TNXB: variants seen among roughly 807,000 people sequenced by gnomAD.
TNXB encodes tenascin-X.
TNXB carries 183 observed loss-of-function variants against 340.5 expected under a neutral mutation model. That is an observed-to-expected ratio of 0.54 (90% CI 0.48 to 0.61). TNXB has a LOEUF of 0.61. Ranked by LOEUF, TNXB falls within the 20% of genes least tolerant of loss-of-function variation. The pLI is 0.00. For missense variants in TNXB, 4,613 were observed against 5,446.4 expected (o/e 0.85, Z 4.82); for synonymous variants, 2,121 against 2,314.5 (o/e 0.92, Z 2.40).
intron 1 of TNXB, among the ~76,000 whole-genome samples, chr6:32,102,272 A>G (rs772080271): frequency 3.9e-5 from 6 of 152,196 alleles, no homozygotes; most frequent in Non-Finnish European, 7.3e-5. Flanking sequence ...TATAACCCAG[A>G]TATCTATAAC....
Position 32,053,671 on chromosome 6 carries a change from G to C in TNXB, c.8508C>G (p.Thr2836=). ...DEAETTQAVP[T]TTPEPPNKPR... is the part of the protein sequence containing the mutation. ...GCTTGTTGGGGGGCTCAGGGGTTGT[G>C]GTGGGCACTGCTTGGGTGGTCTCTG... Residue 2836 remains threonine, a synonymous_variant, in exon 25 of 44, where the codon ACC becomes ACG. Coordinates refer to ENST00000644971, the MANE Select transcript of TNXB (RefSeq NM_001365276.2). The C allele has an allele frequency of 6.2e-7, 1 of 1,613,192 alleles. No individual in the cohort carries two copies. Among genetic ancestry groups the C allele is most frequent in the Non-Finnish European group, 8.5e-7 (1 of 1,179,770 alleles).
In TNXB at chr6:32,067,620, T is replaced by G; in HGVS notation, c.6544+41A>C. 7 of 1,592,112 alleles carry G rather than the reference T, an allele frequency of 4.4e-6. No homozygotes were observed. Among genetic ancestry groups the G allele is most frequent in the Non-Finnish European group, 6.0e-6 (7 of 1,167,490 alleles). ...GGAGGAGATGCTGGAGGCTGTACTT[T>G]GCTAAGACCCAACCCAGAGGGCTCT... On this transcript the variant is annotated intron_variant, in intron 18 of 43. Transcript: ENST00000644971. This position sits in a 1 kb window ranked among gnomAD's most constrained non-coding sequence, Gnocchi z 4.2.
Position 32,073,813 on chromosome 6 carries a change from T to C in TNXB, c.4515A>G (p.Ile1505Met), listed in dbSNP as rs1473936921. The change falls in exon 12 of 44, where the codon ATA becomes ATG. Residue 1505 changes from isoleucine to methionine, a missense_variant. Coordinates refer to ENST00000644971, the MANE Select transcript of TNXB (RefSeq NM_001365276.2). The surrounding 1 kb of genome is among the most constrained non-coding windows in gnomAD (Gnocchi z 4.6). The stretch of plus-strand genomic sequence containing the variant: ...GCCCGTCCTTGTCCTTGTACTGGAC[T>C]ATGAAGGAGTCAAACTGGCCCTCGG... ...TVPEGQFDSF[I>M]VQYKDKDGQP... 6.2e-7 allele frequency: 1 copy of C among 1,612,714 alleles called. No homozygotes were observed. The highest frequency in any genetic ancestry group is 8.5e-7 in the Non-Finnish European group (1 of 1,179,520).
chr6:32,042,699 C>T lies in TNXB; in HGVS notation c.12058G>A (p.Gly4020Ser). ...GCCCCGGGCCCGTGCGTCCAGGTAC[C>T]CGTGGTGAAAGAGGTGGACACGGGC... Reference protein sequence around the residue: ...LPPVSTSFTTGGLRIPFPRDC... With the variant: ...LPPVSTSFTTSGLRIPFPRDC... Residue 4020 changes from glycine (G) to serine (S), a missense_variant and splice_region_variant, in exon 39 of 44, where the codon GGT becomes AGT. Gly to Ser is a moderately conservative substitution (Grantham distance 56, BLOSUM62 0). This residue lies in a region of TNXB where 121 missense variants were observed against 177.4 expected (regional missense o/e 0.68). Coordinates refer to ENST00000644971, the MANE Select transcript of TNXB (RefSeq NM_001365276.2). 4.3e-6 allele frequency: 5 copies of T among 1,163,854 alleles called. No homozygotes were observed. Among genetic ancestry groups the T allele is most frequent in the Non-Finnish European group, 4.8e-6 (4 of 825,168 alleles). 72.1% of individuals were successfully genotyped at this position (1,163,854 alleles called of 1,614,324 possible).
intron 21 of TNXB, among the ~76,000 whole-genome samples, chr6:32,060,396 G>A (rs1341759469): frequency 6.8e-6 from 1 of 146,252 alleles, no homozygotes; most frequent in Admixed American, 6.7e-5. Flanking sequence ...TAGGACAGAT[G>A]GAGTGTAAAG....
rs1464394117 is a variant in TNXB, at chr6:32,097,218, C to T, written c.635G>A (p.Ser212Asn). The change falls in exon 3 of 44, where the codon AGC becomes AAC. Residue 212 changes from serine to asparagine, a missense_variant. Ser to Asn is a conservative substitution (Grantham distance 46). Around this residue, in one of 7 missense-constraint regions of TNXB, gnomAD observed 4,327 missense variants for 4,859.4 expected, o/e 0.89. Coordinates refer to ENST00000644971, the MANE Select transcript of TNXB (RefSeq NM_001365276.2). This position sits in a 1 kb window ranked among gnomAD's most constrained non-coding sequence, Gnocchi z 5.9. ...CCCGGGACAGGATGGCCAGCCACAGCTGGGGCCAGTGTAGCCGGGAAAGCA... is the reference window on the plus strand; with the variant it reads ...CCCGGGACAGGATGGCCAGCCACAGTTGGGGCCAGTGTAGCCGGGAAAGCA... ...CVCFPGYTGP[S>N]CGWPSCPGDC... is the part of the protein sequence containing the mutation. 9 of 1,599,618 alleles carry T rather than the reference C, an allele frequency of 5.6e-6. No individual in the cohort carries two copies. The highest frequency in any genetic ancestry group is 7.7e-6 in the Non-Finnish European group (9 of 1,173,720).
rs1778979924 is a variant in TNXB, at chr6:32,074,655, C to A, written c.4376-703G>T. On this transcript the variant is annotated intron_variant, in intron 11 of 43. Coordinates refer to ENST00000644971, the MANE Select transcript of TNXB (RefSeq NM_001365276.2). This position sits in a 1 kb window ranked among gnomAD's most constrained non-coding sequence, Gnocchi z 5.5. ...CTGAGCTTCCTGACACCTGCTCCCG[C>A]CACAGCCTCCCCACCTCAGTAAGAT... Among the ~76,000 whole-genome samples, 1 of 152,156 alleles carries A rather than the reference C, an allele frequency of 6.6e-6. No individual in the cohort carries two copies. Among genetic ancestry groups the A allele is most frequent in the South Asian group, 2.1e-4 (1 of 4,836 alleles).
rs1228014700 is a variant in TNXB at position 32,068,599 on chromosome 6, C to A, written c.6011G>T (p.Ser2004Ile). 1.2e-6 allele frequency: 2 copies of A among 1,613,970 alleles called. No individual in the cohort carries two copies. Among genetic ancestry groups the A allele is most frequent in the Non-Finnish European group, 8.5e-7 (1 of 1,179,890 alleles). The change falls in exon 17 of 44, where the codon AGC becomes ATC. Residue 2004 changes from serine (S) to isoleucine (I), a missense_variant. Coordinates refer to ENST00000644971, the MANE Select transcript of TNXB (RefSeq NM_001365276.2). The surrounding 1 kb of genome is among the most constrained non-coding windows in gnomAD (Gnocchi z 5.3). The part of the protein sequence containing the change: ...TVTDATPDSL[S>I]LSWTVPEGQF... ...TCCCTCGGGAACTGTCCAGGACAGG[C>A]TGAGGGAGTCAGGGGTGGCATCTGT...
In TNXB at chr6:32,045,992, C is replaced by T. The variant is rs951076342; in HGVS notation, c.10606+183G>A. The T allele has an allele frequency of 5.3e-6, 7 of 1,331,574 alleles. No individual in the cohort carries two copies. The African/African-American group carries it at 7.3e-5, about 14-fold the overall frequency. The allele number at this position is 1,331,574 out of a possible 1,614,324, so 82.5% of individuals were successfully genotyped here. On this transcript the variant is annotated intron_variant, in intron 31 of 43. Transcript: ENST00000644971. ...CTTTCCCTCCCGCCTGGCCTGGCTC[C>T]TGCTCTGGACTCCTTGATGGATGTT... is the stretch of plus-strand genomic sequence containing the variant.
rs1397847649 is a variant in TNXB at position 32,083,940 on chromosome 6, G to A, written c.3445+473C>T. 1.3e-5 allele frequency among the ~76,000 whole-genome samples: 2 copies of A among 152,160 alleles called. No individual in the cohort carries two copies. Among genetic ancestry groups the A allele is most frequent in the Non-Finnish European group, 2.9e-5 (2 of 68,022 alleles). ...GCCTCCCAAGGTGCTGGGATTATAGGCAGGATCAACCCTGCTAGCCTTTAC... is the reference window on the plus strand; with the variant it reads ...GCCTCCCAAGGTGCTGGGATTATAGACAGGATCAACCCTGCTAGCCTTTAC... On this transcript the variant is annotated intron_variant, in intron 8 of 43. Transcript: ENST00000644971. This position sits in a 1 kb window ranked among gnomAD's most constrained non-coding sequence, Gnocchi z 4.6.
In TNXB at chr6:32,052,683, A is replaced by G. The variant is rs1199940101; in HGVS notation, c.9102T>C (p.Ala3034=). Residue 3034 remains alanine (A), a synonymous_variant, in exon 26 of 44, where the codon GCT becomes GCC. Transcript: ENST00000644971. This position sits in a 1 kb window ranked among gnomAD's most constrained non-coding sequence, Gnocchi z 4.7. ...HEGQRVGPVS[A]VGVTAPKDEA... is the part of the protein sequence containing the mutation. ...ACACTTACTCACCTGTCACACCCACAGCGGACACTGGGCCCACGCGCTGCC... is the reference window on the plus strand; with the variant it reads ...ACACTTACTCACCTGTCACACCCACGGCGGACACTGGGCCCACGCGCTGCC... 3 of 1,613,108 alleles carry G rather than the reference A, an allele frequency of 1.9e-6. No individual in the cohort carries two copies. Among genetic ancestry groups the G allele is most frequent in the Non-Finnish European group, 2.5e-6 (3 of 1,179,476 alleles).
Position 32,076,539 on chromosome 6 carries a change from C to T in TNXB, c.4375+2494G>A, listed in dbSNP as rs117836767. ...ACATGGATATACAGGGATTCCCTCA[C>T]GGGAAGGTCTGAGCAAAAGATGAAT... is the stretch of plus-strand genomic sequence containing the variant. On this transcript the variant is annotated intron_variant, in intron 11 of 43. Transcript: ENST00000644971. 3.0e-3 allele frequency among the ~76,000 whole-genome samples: 458 copies of T among 152,324 alleles called. 12 individuals are homozygous for T. The East Asian group carries it at 0.057, about 19-fold the overall frequency.
intron 4 of TNXB, chr6:32,093,489 G>T (rs1383158879): frequency 1.5e-6 from 1 of 671,966 alleles, no homozygotes; most frequent in Non-Finnish European, 2.7e-6. Context: ...AAAGCAAAGT[G>T]GAGTGAGGAT....
rs184653144 is a variant in TNXB, at chr6:32,103,250, G to A, written c.-8-5044C>T. 6.1e-4 allele frequency among the ~76,000 whole-genome samples: 92 copies of A among 151,440 alleles called. 1 individual carries two copies. The highest frequency in any genetic ancestry group is 1.8e-3 in the Admixed American group (28 of 15,190). ...AGCCTGGCGATCATGCTGAAACCCC[G>A]TCTCTACTAAAAATAAAAAATAAAA... On this transcript the variant is annotated intron_variant, in intron 1 of 43. Transcript: ENST00000644971.
Position 32,050,252 on chromosome 6 carries a change from C to G in TNXB, c.9185G>C (p.Arg3062Pro). Residue 3062 changes from arginine (R) to proline (P), a missense_variant, in exon 27 of 44, where the codon CGC becomes CCC. Coordinates refer to ENST00000644971, the MANE Select transcript of TNXB (RefSeq NM_001365276.2). ...TMTPEPPIKP[R>P]LGELTVTDAT... ...ATCTGTCACGGTCAGCTCCCCCAGG[C>G]GAGGCTTGATGGGGGGCTCAGGGGT... The G allele has an allele frequency of 6.2e-7, 1 of 1,613,482 alleles. No homozygotes were observed. Among genetic ancestry groups the G allele is most frequent in the Non-Finnish European group, 8.5e-7 (1 of 1,179,838 alleles).
chr6:32,073,864 G>A lies in TNXB; in HGVS notation c.4464C>T (p.Asn1488=). 1.9e-6 allele frequency: 3 copies of A among 1,611,284 alleles called. No homozygotes were observed. Among genetic ancestry groups the A allele is most frequent in the Non-Finnish European group, 2.5e-6 (3 of 1,178,984 alleles). The change falls in exon 12 of 44, where the codon AAC becomes AAT. Residue 1488 remains asparagine, a synonymous_variant. Coordinates refer to ENST00000644971, the MANE Select transcript of TNXB (RefSeq NM_001365276.2). The surrounding 1 kb of genome is among the most constrained non-coding windows in gnomAD (Gnocchi z 4.6). The part of the protein sequence containing the change: ...GELTVTDVTP[N]SVGLSWTVPE... ...GGACTGTCCAGGAGAGGCCCACAGA[G>A]TTGGGGGTCACATCTGTCACTGTCA...
chr6:32,069,733 A>C lies in TNXB; in HGVS notation c.5407T>G (p.Phe1803Val). 6.2e-7 allele frequency: 1 copy of C among 1,612,112 alleles called. No individual in the cohort carries two copies. Among genetic ancestry groups the C allele is most frequent in the Non-Finnish European group, 8.5e-7 (1 of 1,179,470 alleles). ...GLSWTVPEGQ[F>V]DSFVVQYKDR... is the part of the protein sequence containing the mutation. ...TTGTACTGGACCACAAAGGAGTCAA[A>C]CTGGCCCTCAGGGACTGTCCAGGAG... The change falls in exon 15 of 44, where the codon TTT becomes GTT. Residue 1803 changes from phenylalanine to valine, a missense_variant. Transcript: ENST00000644971. The surrounding 1 kb of genome is among the most constrained non-coding windows in gnomAD (Gnocchi z 6.2).
chr6:32,054,248 A>C (rs1777493208), intron 24 of TNXB, among the ~76,000 whole-genome samples: 1 of 151,794 alleles, frequency 6.6e-6, no homozygotes, highest in Non-Finnish European at 1.5e-5. Flanking sequence ...CCAACTGCCT[A>C]CTGGCCTCCC....
Position 32,046,282 on chromosome 6 carries a change from CG to C in TNXB, c.10498del (p.Arg3500AlafsTer5). The C allele has an allele frequency of 6.2e-7, 1 of 1,606,640 alleles. No homozygotes were observed. The highest frequency in any genetic ancestry group is 8.5e-7 in the Non-Finnish European group (1 of 1,178,168). On this transcript the variant is annotated frameshift_variant, in exon 31 of 44. Coordinates refer to ENST00000644971, the MANE Select transcript of TNXB (RefSeq NM_001365276.2). LOFTEE classifies it high-confidence loss of function. The surrounding 1 kb of genome is among the most constrained non-coding windows in gnomAD (Gnocchi z 6.9). ...PRAVPVAADQRTVTVEDLEPG... is the reference protein window; with the variant it reads ...PRAVPVAADQXTVTVEDLEPG... ...CTCCAGGTCCTCTACGGTGACTGTG[CG>C]CTGGTCTGCGGCCACAGGCACTGCC...
Sources: allele counts gnomAD v4.1 joint callset (sites outside exome capture counted in the v4.1 genomes callset), GRCh38; gene constraint gnomAD v4.1.1; regional missense constraint gnomAD v4.1.1; non-coding constraint Gnocchi (gnomAD v3.1); transcripts MANE v1.5; gene names NCBI Gene and HGNC (gene_info 2026-07-23, HGNC 2026-07-21).